Variants in FAM168A observed in about 807,000 individuals in gnomAD.
The protein encoded by FAM168A is family with sequence similarity 168 member A.
In FAM168A, 3 loss-of-function variants were observed where a neutral mutation model predicts 28.5. The observed-to-expected ratio is 0.11, with a 90% confidence interval of 0.05 to 0.27. The LOEUF is 0.27. Among genes scored for constraint, FAM168A ranks in the 10% least tolerant of loss-of-function variants. The pLI is 1.00. For missense variants in FAM168A, 222 were observed against 311.5 expected (o/e 0.71, Z 2.16); for synonymous variants, 122 against 124.2 (o/e 0.98, Z 0.12).
chr11:73,439,902 T>TTTTTGTTGGG (rs1867161891), intron 2 of FAM168A, among the ~76,000 whole-genome samples: 1 of 145,648 alleles, frequency 6.9e-6, no homozygotes. Context: ...TTTTTTTTTT[T>TTTTTGTTGGG]GAGTCGGAGT....
Position 73,419,884 on chromosome 11 carries a change from A to C in FAM168A, c.267T>G (p.Ser89=). 6.2e-7 allele frequency: 1 copy of C among 1,614,048 alleles called. No homozygotes were observed. The highest frequency in any genetic ancestry group is 8.5e-7 in the Non-Finnish European group (1 of 1,179,956). Residue 89 remains serine, a synonymous_variant, in exon 4 of 8, where the codon TCT becomes TCG. Transcript: ENST00000356467. The part of the protein sequence containing the change: ...GTENRTYQAS[S]AAFRYTAGTP... The stretch of plus-strand genomic sequence containing the variant: ...ACAGGCTGTATTTACTGAAAGCCGC[A>C]GAGGATGCTTGGTAAGTTCGGTTCT...
chr11:73,552,059 A>G (rs1239671870), intron 1 of FAM168A, among the ~76,000 whole-genome samples: 1 of 152,218 alleles, frequency 6.6e-6, no homozygotes, highest in African/African-American at 2.4e-5. Context: ...CTTCAAAAGC[A>G]GTGGACTTTC....
chr11:73,540,839 G>T (rs1314976575), intron 1 of FAM168A, among the ~76,000 whole-genome samples: 1 of 152,118 alleles, frequency 6.6e-6, no homozygotes, highest in Non-Finnish European at 1.5e-5. Context: ...CTTTGTCTTG[G>T]TTACAACTGT....
chr11:73,523,864 ATT>A (rs112025313), intron 1 of FAM168A, among the ~76,000 whole-genome samples: 1 of 145,200 alleles, frequency 6.9e-6, no homozygotes, highest in Non-Finnish European at 1.5e-5. Flanking sequence ...CTTTTCCCCT[ATT>A]TTTTTTTTTT....
At chr11:73,574,618 G>A (rs556049924) in intron 1 of FAM168A, among the ~76,000 whole-genome samples, 16 of 151,760 alleles carry the variant, frequency 1.1e-4, no homozygotes, top group Middle Eastern at 3.4e-3. Context: ...GCTGGAGTGC[G>A]ATGACATGAT....
intron 1 of FAM168A, among the ~76,000 whole-genome samples, chr11:73,475,947 T>C (rs1209024840): frequency 6.6e-6 from 1 of 152,208 alleles, no homozygotes; most frequent in East Asian, 1.9e-4. Flanking sequence ...CTAATGCAGC[T>C]ACTCTGAGGT....
intron 1 of FAM168A, among the ~76,000 whole-genome samples, chr11:73,543,262 CTTTTT>C (rs58715872): frequency 8.9e-6 from 1 of 111,888 alleles, no homozygotes; most frequent in African/African-American, 3.6e-5. Flanking sequence ...ATTAATTGTT[CTTTTT>C]TTTTTTTTTT....
chr11:73,408,333 G>T (rs1866546183), intron 6 of FAM168A, among the ~76,000 whole-genome samples: 1 of 152,156 alleles, frequency 6.6e-6, no homozygotes. Flanking sequence ...AACAAGGCTG[G>T]CACTGAGTAG....
intron 1 of FAM168A, among the ~76,000 whole-genome samples, chr11:73,500,643 G>T (rs1356558425): frequency 1.3e-5 from 2 of 152,106 alleles, no homozygotes; most frequent in African/African-American, 4.8e-5. Context: ...AATGCTGAGG[G>T]ATTTCATTAC....
intron 1 of FAM168A, among the ~76,000 whole-genome samples, chr11:73,507,809 G>C (rs1855143759): frequency 6.6e-6 from 1 of 152,110 alleles, no homozygotes; most frequent in Non-Finnish European, 1.5e-5. Flanking sequence ...TGGATCACAG[G>C]ATGCGAAACC....
intron 4 of FAM168A, among the ~76,000 whole-genome samples, chr11:73,418,809 AT>A (rs61036118): frequency 0.21 from 28,571 of 136,018 alleles, 4,298 homozygotes; most frequent in African/African-American, 0.47. Context: ...CAGTAATTTC[AT>A]TTTTTTTTTT....
rs117133722 is a variant in FAM168A at position 73,591,691 on chromosome 11, G to C, written c.-19+6232C>G. On this transcript the variant is annotated intron_variant, in intron 1 of 7. Coordinates refer to ENST00000356467, the MANE Select transcript of FAM168A (RefSeq NM_015159.3). ...CATCCAGATAATATTTTTGTTTTTT[G>C]TAGAGACTGGATCTCACTATGTTGA... Among the ~76,000 whole-genome samples, 292 of 152,112 alleles carry C rather than the reference G, an allele frequency of 1.9e-3. 8 individuals carry two copies. In the East Asian group the frequency reaches 0.051, roughly 26 times the overall value.
chr11:73,471,728 T>C (rs549193335), intron 1 of FAM168A, among the ~76,000 whole-genome samples: 165 of 152,316 alleles, frequency 1.1e-3, no homozygotes, highest in African/African-American at 3.8e-3. Flanking sequence ...TTCTCTCACA[T>C]AGGCTGTCTA....
chr11:73,498,634 G>A (rs1004371260), intron 1 of FAM168A, among the ~76,000 whole-genome samples: 1 of 152,204 alleles, frequency 6.6e-6, no homozygotes, highest in Non-Finnish European at 1.5e-5. Context: ...GGCAGGGTAA[G>A]GGCAGCACCC....
chr11:73,555,107 G>T (rs1667707288), intron 1 of FAM168A, among the ~76,000 whole-genome samples: 1 of 152,196 alleles, frequency 6.6e-6, no homozygotes, highest in Admixed American at 6.6e-5. Context: ...GGAGAGCCTA[G>T]AGAATAGAAA....
chr11:73,538,007 T>C (rs1000651381), intron 1 of FAM168A, among the ~76,000 whole-genome samples: 2 of 152,146 alleles, frequency 1.3e-5, no homozygotes, highest in African/African-American at 4.8e-5. Context: ...CTATATATTC[T>C]CTCATTTAAT....
At chr11:73,577,805 TC>T (rs1258849357) in intron 1 of FAM168A, among the ~76,000 whole-genome samples, 1 of 152,198 alleles carries the variant, frequency 6.6e-6, no homozygotes, top group African/African-American at 2.4e-5. Context: ...GCTGTGGAGA[TC>T]TTTGCTTATT....
At chr11:73,577,563 C>A (rs1944191103) in intron 1 of FAM168A, among the ~76,000 whole-genome samples, 1 of 152,128 alleles carries the variant, frequency 6.6e-6, no homozygotes, top group South Asian at 2.1e-4. Context: ...TGAACTATAA[C>A]CTCATCATAC....
At chr11:73,512,000 G>A (rs986509626) in intron 1 of FAM168A, among the ~76,000 whole-genome samples, 7 of 152,046 alleles carry the variant, frequency 4.6e-5, no homozygotes, top group Admixed American at 1.3e-4. Flanking sequence ...ATGAGATTGC[G>A]AACAGCTTGC....
Sources: allele counts gnomAD v4.1 joint callset (sites outside exome capture counted in the v4.1 genomes callset), GRCh38; gene constraint gnomAD v4.1.1; transcripts MANE v1.5; gene names NCBI Gene and HGNC (gene_info 2026-07-23, HGNC 2026-07-21).